GPR151: variants seen among roughly 807,000 people sequenced by gnomAD.
GPR151 encodes the protein G-protein coupled receptor PGR7.
GPR151 carries 16 observed loss-of-function variants against 18.2 expected under a neutral mutation model. That is an observed-to-expected ratio of 0.88 (90% confidence interval 0.60 to 1.34). The LOEUF is 1.34. GPR151 is among the 40% of genes most tolerant of loss of function. The pLI, the probability that GPR151 is intolerant of heterozygous loss-of-function variation, is 0.00. For synonymous variants in GPR151, 202 were observed against 191.2 expected (o/e 1.06, Z -0.47); for missense variants, 509 against 504.3 (o/e 1.01, Z -0.09).
rs776896705 is a variant in GPR151, at chr5:146,516,019, G to A, written c.95C>T (p.Ser32Phe). The A allele has an allele frequency of 9.9e-6, 16 of 1,614,072 alleles. No individual in the cohort carries two copies. The highest frequency in any genetic ancestry group is 1.3e-5 in the Non-Finnish European group (15 of 1,180,008). ...CGGGATGATGGTTCTCCAGTCCTGG[G>A]AATCAGAGGGCAGGTACCCTCCGGC... ...HFAGGYLPSD[S>F]QDWRTIIPAL... The change falls in exon 1 of 1, where the codon TCC (serine) becomes TTC (phenylalanine). Residue 32 changes from serine (S) to phenylalanine (F), a missense_variant. Physicochemically the swap from Ser to Phe is radical, Grantham distance 155 (BLOSUM62 -2). Transcript: ENST00000311104.
rs1768556525 is a variant in GPR151, at chr5:146,513,755, A to G, written c.*1099T>C. 1 of 152,108 alleles carries G rather than the reference A, an allele frequency of 6.6e-6. No homozygotes were observed. The highest frequency in any genetic ancestry group is 1.5e-5 in the Non-Finnish European group (1 of 68,024). 9.4% of individuals were successfully genotyped at this position (152,108 alleles called of 1,614,324 possible). A position where few individuals can be genotyped will look rare whatever the true frequency, so the allele number is the denominator to read the frequency against. On this transcript the variant is annotated 3_prime_UTR_variant, in exon 1 of 1. Coordinates refer to ENST00000311104, the MANE Select transcript of GPR151 (RefSeq NM_194251.3). ...GCTTTTTATTTTGTATTCTTAACCAAATTCTGTCTTGGTTTGTTGAATTTT... is the reference window on the plus strand; with the variant it reads ...GCTTTTTATTTTGTATTCTTAACCAGATTCTGTCTTGGTTTGTTGAATTTT...
Position 146,513,938 on chromosome 5 carries a change from G to T in GPR151, c.*916C>A, listed in dbSNP as rs562628673. 7.9e-5 allele frequency: 12 copies of T among 152,268 alleles called. No individual in the cohort carries two copies. The highest frequency in any genetic ancestry group is 2.9e-4 in the African/African-American group (12 of 41,564). 9.4% of individuals were successfully genotyped at this position (152,268 alleles called of 1,614,324 possible). A position where few individuals can be genotyped will look rare whatever the true frequency, so the allele number is the denominator to read the frequency against. On this transcript the variant is annotated 3_prime_UTR_variant, in exon 1 of 1. Coordinates refer to ENST00000311104, the MANE Select transcript of GPR151 (RefSeq NM_194251.3). ...AGATCACCATCTCCATCTTCTATTTGTATTTGAGGAGTAATCTATACCTAT... is the reference window on the plus strand; with the variant it reads ...AGATCACCATCTCCATCTTCTATTTTTATTTGAGGAGTAATCTATACCTAT...
Position 146,515,618 on chromosome 5 carries a change from T to C in GPR151, c.496A>G (p.Ser166Gly), listed in dbSNP as rs1478416217. 1.2e-6 allele frequency: 2 copies of C among 1,614,188 alleles called. No individual in the cohort carries two copies. The highest frequency in any genetic ancestry group is 2.7e-5 in the African/African-American group (2 of 75,048). ...SVLVAIWTVASLLPLPEWFFS... is the reference protein window; with the variant it reads ...SVLVAIWTVAGLLPLPEWFFS... ...AACCATTCCGGCAGGGGTAACAGGC[T>C]AGCCACAGTCCAGATGGCCACCAGC... Residue 166 changes from serine to glycine, a missense_variant, in exon 1 of 1, where the codon AGC (serine) becomes GGC (glycine). Transcript: ENST00000311104.
chr5:146,515,676 T>C lies in GPR151; in HGVS notation c.438A>G (p.Gln146=), dbSNP rs752031026. 2 of 1,613,754 alleles carry C rather than the reference T, an allele frequency of 1.2e-6. No individual in the cohort carries two copies. Among genetic ancestry groups the C allele is most frequent in the Non-Finnish European group, 1.7e-6 (2 of 1,179,856 alleles). The part of the protein sequence containing the change: ...CFMYASDPAK[Q]VSIHNYTIWS... ...AGATGGTGTAGTTGTGGATACTCAC[T>C]TGCTTGGCTGGGTCACTTGCATACA... Residue 146 remains glutamine, a synonymous_variant, in exon 1 of 1, where the codon CAA becomes CAG. Transcript: ENST00000311104.
In GPR151 at chr5:146,515,409, C is replaced by G. The variant is rs374064982; in HGVS notation, c.705G>C (p.Lys235Asn). 25 of 1,614,116 alleles carry G rather than the reference C, an allele frequency of 1.5e-5. No homozygotes were observed. The highest frequency in any genetic ancestry group is 1.9e-5 in the Non-Finnish European group (23 of 1,180,018). Reference sequence around the variant, plus strand: ...GTATCTGGTTTCTAAGATTTTGAGTCTTAGTTCCTCGTTTTTTACATTGGT... The same window carrying G: ...GTATCTGGTTTCTAAGATTTTGAGTGTTAGTTCCTCGTTTTTTACATTGGT... ...AYDQCKKRGT[K>N]TQNLRNQIRS... The change falls in exon 1 of 1, where the codon AAG becomes AAC. Residue 235 changes from lysine (K) to asparagine (N), a missense_variant. Transcript: ENST00000311104.
rs145477171 is a variant in GPR151 at position 146,513,660 on chromosome 5, T to A, written c.*1194A>T. ...TTTACCTTGCTATAAAATGAATGGT[T>A]ATTGCCTGTTACTCAGATTTTACCG... On this transcript the variant is annotated 3_prime_UTR_variant, in exon 1 of 1. Transcript: ENST00000311104. 1 of 152,312 alleles carries A rather than the reference T, an allele frequency of 6.6e-6. No homozygotes were observed. Among genetic ancestry groups the A allele is most frequent in the African/African-American group, 2.4e-5 (1 of 41,576 alleles). 9.4% of individuals were successfully genotyped at this position (152,312 alleles called of 1,614,324 possible).
rs1484370525 is a variant in GPR151, at chr5:146,514,701, TA to T, written c.*152del. ...ATTACTTCTAACATGGTTCTCTACT[TA>T]CCACATTGCACATTTGGAAAGTGTA... On this transcript the variant is annotated 3_prime_UTR_variant, in exon 1 of 1. Coordinates refer to ENST00000311104, the MANE Select transcript of GPR151 (RefSeq NM_194251.3). 25 of 589,410 alleles carry T rather than the reference TA, an allele frequency of 4.2e-5. No individual in the cohort carries two copies. The highest frequency in any genetic ancestry group is 7.0e-5 in the Non-Finnish European group (24 of 343,924). 36.5% of individuals were successfully genotyped at this position (589,410 alleles called of 1,614,324 possible).
rs771908470 is a variant in GPR151 at position 146,515,912 on chromosome 5, C to T, written c.202G>A (p.Gly68Arg). ...IGILLHNAWK[G>R]KPSMIHSLIL... ...AGGGAGTGGATCATGGATGGCTTTC[C>T]TTTCCAAGCATTGTGAAGGAGGATG... The change falls in exon 1 of 1, where the codon GGA becomes AGA. Residue 68 changes from glycine to arginine, a missense_variant. Coordinates refer to ENST00000311104, the MANE Select transcript of GPR151 (RefSeq NM_194251.3). 1 of 1,614,144 alleles carries T rather than the reference C, an allele frequency of 6.2e-7. No homozygotes were observed. Among genetic ancestry groups the T allele is most frequent in the South Asian group, 1.1e-5 (1 of 91,076 alleles).
rs1379751866 is a variant in GPR151, at chr5:146,515,406, A to T, written c.708T>A (p.Thr236=). 1.2e-6 allele frequency: 2 copies of T among 1,614,158 alleles called. No individual in the cohort carries two copies. The highest frequency in any genetic ancestry group is 3.3e-5 in the Admixed American group (2 of 60,014). The part of the protein sequence containing the change: ...YDQCKKRGTK[T]QNLRNQIRSK... Reference sequence around the variant, plus strand: ...AGCGTATCTGGTTTCTAAGATTTTGAGTCTTAGTTCCTCGTTTTTTACATT... The same window carrying T: ...AGCGTATCTGGTTTCTAAGATTTTGTGTCTTAGTTCCTCGTTTTTTACATT... Residue 236 remains threonine (T), a synonymous_variant, in exon 1 of 1, where the codon ACT becomes ACA. Transcript: ENST00000311104.
Position 146,514,744 on chromosome 5 carries a change from T to A in GPR151, c.*110A>T. On this transcript the variant is annotated 3_prime_UTR_variant, in exon 1 of 1. Coordinates refer to ENST00000311104, the MANE Select transcript of GPR151 (RefSeq NM_194251.3). The stretch of plus-strand genomic sequence containing the variant: ...GAAAGTGTAGATTGTGAAATATTTT[T>A]ATAATTCCTAATGGTAATAATTATA... 1.4e-6 allele frequency: 1 copy of A among 709,782 alleles called. No homozygotes were observed. Among genetic ancestry groups the A allele is most frequent in the Non-Finnish European group, 2.3e-6 (1 of 442,834 alleles). The allele number at this position is 709,782 out of a possible 1,614,324, so 44.0% of individuals were successfully genotyped here. A position where few individuals can be genotyped will look rare whatever the true frequency, so the allele number is the denominator to read the frequency against.
rs1245557512 is a variant in GPR151 at position 146,514,246 on chromosome 5, G to A, written c.*608C>T. The A allele has an allele frequency of 2.0e-5, 3 of 152,206 alleles. No individual in the cohort carries two copies. Among genetic ancestry groups the A allele is most frequent in the African/African-American group, 7.2e-5 (3 of 41,452 alleles). 9.4% of individuals were successfully genotyped at this position (152,206 alleles called of 1,614,324 possible). On this transcript the variant is annotated 3_prime_UTR_variant, in exon 1 of 1. Transcript: ENST00000311104. Reference sequence around the variant, plus strand: ...GCCAGAACCAGCCATGGCTTGAAATGAGTCCAGAATTGGAATAAGGTGCTG... The same window carrying A: ...GCCAGAACCAGCCATGGCTTGAAATAAGTCCAGAATTGGAATAAGGTGCTG...
In GPR151 at chr5:146,515,094, A is replaced by G; in HGVS notation, c.1020T>C (p.Ala340=). ...TGTCAGGAAGACCCTCTGAGTTGCCAGCTGGTGTTTCCTGAGACTCTGAGA... is the reference window on the plus strand; with the variant it reads ...TGTCAGGAAGACCCTCTGAGTTGCCGGCTGGTGTTTCCTGAGACTCTGAGA... The part of the protein sequence containing the change: ...PTVSESQETP[A]GNSEGLPDKV... The change falls in exon 1 of 1, where the codon GCT becomes GCC. Residue 340 remains alanine (A), a synonymous_variant. Transcript: ENST00000311104. The G allele has an allele frequency of 6.2e-7, 1 of 1,614,210 alleles. No individual in the cohort carries two copies. Among genetic ancestry groups the G allele is most frequent in the Non-Finnish European group, 8.5e-7 (1 of 1,180,028 alleles).
chr5:146,515,534 C>T lies in GPR151; in HGVS notation c.580G>A (p.Val194Met), dbSNP rs758646176. Residue 194 changes from valine to methionine, a missense_variant, in exon 1 of 1, where the codon GTG (valine) becomes ATG (methionine). By Grantham distance (21) the Val-to-Met change is conservative (BLOSUM62 1). Coordinates refer to ENST00000311104, the MANE Select transcript of GPR151 (RefSeq NM_194251.3). Reference sequence around the variant, plus strand: ...AACATCGACATAAACTCTTCAGCCACAGCTGGTACATCCACGAGGCACATT... The same window carrying T: ...AACATCGACATAAACTCTTCAGCCATAGCTGGTACATCCACGAGGCACATT... ...VEMCLVDVPA[V>M]AEEFMSMFGK... is the part of the protein sequence containing the mutation. The T allele has an allele frequency of 1.2e-6, 2 of 1,614,012 alleles. No homozygotes were observed. Among genetic ancestry groups the T allele is most frequent in the East Asian group, 2.2e-5 (1 of 44,694 alleles).
chr5:146,516,007 C>T lies in GPR151; in HGVS notation c.107G>A (p.Arg36Lys). ...CACCAAGAGAGCCGGGATGATGGTT[C>T]TCCAGTCCTGGGAATCAGAGGGCAG... ...GYLPSDSQDW[R>K]TIIPALLVAV... The change falls in exon 1 of 1, where the codon AGA becomes AAA. Residue 36 changes from arginine (R) to lysine (K), a missense_variant. Transcript: ENST00000311104. The T allele has an allele frequency of 6.2e-7, 1 of 1,614,122 alleles. No individual in the cohort carries two copies. Among genetic ancestry groups the T allele is most frequent in the South Asian group, 1.1e-5 (1 of 91,064 alleles).
rs368245432 is a variant in GPR151, at chr5:146,515,498, A to G, written c.616T>C (p.Tyr206His). Residue 206 changes from tyrosine to histidine, a missense_variant, in exon 1 of 1, where the codon TAC (tyrosine) becomes CAC (histidine). Physicochemically the swap from Tyr to His is moderately conservative, Grantham distance 83 (BLOSUM62 2). Coordinates refer to ENST00000311104, the MANE Select transcript of GPR151 (RefSeq NM_194251.3). Reference protein sequence around the residue: ...EEFMSMFGKLYPLLAFGLPLF... With the variant: ...EEFMSMFGKLHPLLAFGLPLF... ...GGAAGGCCAAATGCCAGGAGTGGGT[A>G]GAGCTTACCAAACATCGACATAAAC... is the stretch of plus-strand genomic sequence containing the variant. 5 of 1,613,762 alleles carry G rather than the reference A, an allele frequency of 3.1e-6. 1 individual carries two copies. The African/African-American group carries it at 5.3e-5, about 17-fold the overall frequency.
Position 146,516,034 on chromosome 5 carries a change from T to C in GPR151, c.80A>G (p.Tyr27Cys). ...SFAHLHFAGG[Y>C]LPSDSQDWRT... ...CCAGTCCTGGGAATCAGAGGGCAGG[T>C]ACCCTCCGGCAAAGTGGAGGTGAGC... is the stretch of plus-strand genomic sequence containing the variant. Residue 27 changes from tyrosine to cysteine, a missense_variant, in exon 1 of 1, where the codon TAC becomes TGC. Transcript: ENST00000311104. 1.2e-6 allele frequency: 2 copies of C among 1,613,938 alleles called. No individual in the cohort carries two copies. The highest frequency in any genetic ancestry group is 2.2e-5 in the South Asian group (2 of 91,060).
rs754305294 is a variant in GPR151 at position 146,515,845 on chromosome 5, A to C, written c.269T>G (p.Phe90Cys). 6.2e-7 allele frequency: 1 copy of C among 1,614,216 alleles called. No individual in the cohort carries two copies. ...LSLADLSLLL[F>C]SAPIRATAYS... is the part of the protein sequence containing the mutation. ...CGCCGTAGCTCGGATAGGTGCAGAA[A>C]ACAGCAGGAGGGAGAGATCAGCCAG... Residue 90 changes from phenylalanine (F) to cysteine (C), a missense_variant, in exon 1 of 1, where the codon TTT becomes TGT. Transcript: ENST00000311104.
chr5:146,513,319 A>G lies in GPR151; in HGVS notation c.*1535T>C, dbSNP rs751227978. Reference sequence around the variant, plus strand: ...ACTTTATTTGAATACATGAGCTTCAAATAAAATTTGTAATGAAGGATGTAA... The same window carrying G: ...ACTTTATTTGAATACATGAGCTTCAGATAAAATTTGTAATGAAGGATGTAA... On this transcript the variant is annotated 3_prime_UTR_variant, in exon 1 of 1. Transcript: ENST00000311104. 2.0e-5 allele frequency: 3 copies of G among 152,224 alleles called. No individual in the cohort carries two copies. The highest frequency in any genetic ancestry group is 4.4e-5 in the Non-Finnish European group (3 of 68,044). 9.4% of individuals were successfully genotyped at this position (152,224 alleles called of 1,614,324 possible).
chr5:146,514,663 T>C lies in GPR151; in HGVS notation c.*191A>G, dbSNP rs376000494. 1 of 524,112 alleles carries C rather than the reference T, an allele frequency of 1.9e-6. No homozygotes were observed. The highest frequency in any genetic ancestry group is 3.5e-5 in the South Asian group (1 of 28,750). 32.5% of individuals were successfully genotyped at this position (524,112 alleles called of 1,614,324 possible). On this transcript the variant is annotated 3_prime_UTR_variant, in exon 1 of 1. Coordinates refer to ENST00000311104, the MANE Select transcript of GPR151 (RefSeq NM_194251.3). Reference sequence around the variant, plus strand: ...AATTGTTTGGGAAGCCAAGTTCTAATTCTGAAACAATTATTACTTCTAACA... The same window carrying C: ...AATTGTTTGGGAAGCCAAGTTCTAACTCTGAAACAATTATTACTTCTAACA...
Sources: gnomAD v4.1 joint callset for allele counts on GRCh38, gnomAD v4.1.1 for gene constraint, MANE v1.5 for transcripts, NCBI Gene and HGNC (gene_info 2026-07-23, HGNC 2026-07-21) for gene names.